Variants in SAMMSON observed in about 807,000 individuals in gnomAD.
SAMMSON encodes long intergenic non-protein coding RNA 1212.
intron 2 of SAMMSON, among the ~76,000 whole-genome samples, chr3:70,434,082 C>A (rs1701437738): frequency 6.6e-6 from 1 of 152,130 alleles, no homozygotes; most frequent in African/African-American, 2.4e-5. Context: ...TTATAACCGT[C>A]CTCTGAATTT....
At chr3:70,158,914 T>C (rs952597743) in intron 4 of SAMMSON, among the ~76,000 whole-genome samples, 6 of 152,086 alleles carry the variant, frequency 3.9e-5, no homozygotes, top group African/African-American at 1.2e-4. Flanking sequence ...TTCCTTTTAA[T>C]TGTAGGCAAC....
intron 4 of SAMMSON, chr3:70,137,469 G>A (rs576121176): frequency 6.6e-6 from 1 of 152,208 alleles, no homozygotes; most frequent in East Asian, 1.9e-4. Flanking sequence ...AAATCACAGT[G>A]TCCATACAAA....
At chr3:70,155,661 CCTTT>C (rs547770485) in intron 4 of SAMMSON, among the ~76,000 whole-genome samples, 1 of 151,988 alleles carries the variant, frequency 6.6e-6, no homozygotes, top group Non-Finnish European at 1.5e-5. Flanking sequence ...TCTTTCTACC[CCTTT>C]CTTTCAGATT....
intron 1 of SAMMSON, among the ~76,000 whole-genome samples, chr3:70,003,816 A>G (rs1370338341): frequency 6.6e-6 from 1 of 151,946 alleles, no homozygotes; most frequent in African/African-American, 2.4e-5. Flanking sequence ...TTTAGTAAGT[A>G]TCTGGTGACA....
chr3:70,381,386 A>G (rs1001763808), intron 9 of SAMMSON, among the ~76,000 whole-genome samples: 1 of 152,224 alleles, frequency 6.6e-6, no homozygotes, highest in Non-Finnish European at 1.5e-5. Context: ...GGTTATCAAC[A>G]GATTCCAAAA....
intron 1 of SAMMSON, among the ~76,000 whole-genome samples, chr3:70,009,449 T>C (rs1298915426): frequency 6.6e-6 from 1 of 152,220 alleles, no homozygotes; most frequent in Non-Finnish European, 1.5e-5. Context: ...TAGTATTTTA[T>C]GGTAGTTTGT....
intron 4 of SAMMSON, among the ~76,000 whole-genome samples, chr3:70,178,673 T>C (rs1056974005): frequency 1.3e-5 from 2 of 152,122 alleles, no homozygotes; most frequent in African/African-American, 2.4e-5. Flanking sequence ...TGATTAGATG[T>C]CTCACTAGGA....
At chr3:70,014,095 G>T (rs1272505076) in intron 3 of SAMMSON, 1 of 152,126 alleles carries the variant, frequency 6.6e-6, no homozygotes, top group African/African-American at 2.4e-5. Flanking sequence ...TCATTTACAA[G>T]CAGGCCATCT....
At chr3:70,257,768 A>G (rs948835336) in intron 6 of SAMMSON, among the ~76,000 whole-genome samples, 2 of 152,210 alleles carry the variant, frequency 1.3e-5, no homozygotes, top group African/African-American at 4.8e-5. Flanking sequence ...TGCAATCCCA[A>G]TAAAAATCCC....
intron 4 of SAMMSON, among the ~76,000 whole-genome samples, chr3:70,090,501 T>G (rs1431300468): frequency 1.3e-5 from 2 of 152,236 alleles, no homozygotes; most frequent in African/African-American, 4.8e-5. Context: ...CCAGCTGGTG[T>G]TGTTCCCAGT....
chr3:70,112,039 A>C (rs1299383048), intron 4 of SAMMSON, among the ~76,000 whole-genome samples: 1 of 152,188 alleles, frequency 6.6e-6, no homozygotes, highest in African/African-American at 2.4e-5. Context: ...ATTATAGTTG[A>C]TAATGTGAAC....
At chr3:70,272,860 A>C (rs974761755) in intron 6 of SAMMSON, among the ~76,000 whole-genome samples, 12 of 152,230 alleles carry the variant, frequency 7.9e-5, no homozygotes, top group African/African-American at 2.7e-4. Flanking sequence ...AAGGGAAATA[A>C]AAAAGAGATC....
chr3:70,076,899 G>A (rs547561632), intron 4 of SAMMSON, among the ~76,000 whole-genome samples: 2 of 152,160 alleles, frequency 1.3e-5, no homozygotes, highest in African/African-American at 4.8e-5. Flanking sequence ...TTGTTCAGGG[G>A]CTGAAAAAAA....
intron 7 of SAMMSON, among the ~76,000 whole-genome samples, chr3:70,333,896 A>G (rs1336359368): frequency 1.3e-5 from 2 of 152,200 alleles, no homozygotes; most frequent in African/African-American, 4.8e-5. Context: ...AACTTGCCCA[A>G]TTTCTTACAT....
Position 70,126,308 on chromosome 3 carries a change from T to C in SAMMSON, n.507+54743T>C, listed in dbSNP as rs533585709. On this transcript the variant is annotated intron_variant and non_coding_transcript_variant, in intron 4 of 9. Coordinates refer to ENST00000642114, the Ensembl canonical transcript of SAMMSON. ...TGGGACATGGGGAGTGAACTTGATC[T>C]TGCTCTTTTGCAAATTCAAAGACTA... 4.2e-5 allele frequency: 51 copies of C among 1,213,312 alleles called. 1 individual carries two copies. In the South Asian group the frequency reaches 5.2e-4, roughly 12 times the overall value. 75.2% of individuals were successfully genotyped at this position (1,213,312 alleles called of 1,614,324 possible).
chr3:70,384,056 C>T (rs1703099992), intron 9 of SAMMSON, among the ~76,000 whole-genome samples: 2 of 151,788 alleles, frequency 1.3e-5, no homozygotes, highest in African/African-American at 2.4e-5. Context: ...TCTTTGAGAG[C>T]CACTAAACCC....
chr3:70,126,019 C>G, intron 4 of SAMMSON: 2 of 901,180 alleles, frequency 2.2e-6, no homozygotes, highest in Non-Finnish European at 3.5e-6. Flanking sequence ...AGTAATTGAT[C>G]TAAAAGCTGT....
chr3:70,390,655 C>A (rs1701037789), downstream of SAMMSON, among the ~76,000 whole-genome samples: 1 of 152,052 alleles, frequency 6.6e-6, no homozygotes, highest in Non-Finnish European at 1.5e-5. Context: ...ATGAGGGATC[C>A]ATCCCCATGA....
At chr3:70,024,333 A>G (rs866045292) in intron 3 of SAMMSON, among the ~76,000 whole-genome samples, 4 of 152,176 alleles carry the variant, frequency 2.6e-5, no homozygotes, top group Non-Finnish European at 5.9e-5. Flanking sequence ...CACTTCTTCT[A>G]GTTGTCACAA....
Sources: gnomAD v4.1 joint callset for allele counts (sites outside exome capture counted in the v4.1 genomes callset) on GRCh38, gnomAD v4.1.1 for gene constraint, MANE v1.5 for transcripts, NCBI Gene and HGNC (gene_info 2026-07-23, HGNC 2026-07-21) for gene names.